The following DPRX variants were observed in gnomAD, a reference collection of about 807,000 sequenced individuals.
DPRX encodes the protein divergent-paired related homeobox, also known as divergent paired-related homeobox.
DPRX carries 11 observed loss-of-function variants against 8.4 expected under a neutral mutation model. That is an observed-to-expected ratio of 1.31 (90% CI 0.82 to 2.17). The LOEUF (loss-of-function observed/expected upper bound fraction) is 2.17. Among genes scored for constraint, DPRX ranks in the 30% most tolerant of loss-of-function variants. The pLI, the probability that DPRX is intolerant of heterozygous loss-of-function variation, is 0.00. For synonymous variants in DPRX, 72 were observed against 87.0 expected (o/e 0.83, Z 0.96); for missense variants, 211 against 236.7 (o/e 0.89, Z 0.71).
intron 1 of DPRX, among the ~76,000 whole-genome samples, chr19:53,632,367 T>C (rs2091096054): frequency 6.6e-6 from 1 of 152,066 alleles, no homozygotes; most frequent in South Asian, 2.1e-4. Context: ...GTGGCACGAT[T>C]TCGGCTCACT....
At chr19:53,605,150 A>C in the DPRX span, among the ~76,000 whole-genome samples, 1 of 152,100 alleles carries the variant, frequency 6.6e-6, no homozygotes, top group Non-Finnish European at 1.5e-5. Flanking sequence ...GCCTCTACAA[A>C]ATTTGAATAT....
chr19:53,614,665 C>T, the DPRX span, among the ~76,000 whole-genome samples: 3 of 152,064 alleles, frequency 2.0e-5, no homozygotes, highest in African/African-American at 7.2e-5. Context: ...ATATTTTCTT[C>T]ATTGTAAAAA....
chr19:53,616,938 C>A, the DPRX span: 1 of 1,305,610 alleles, frequency 7.7e-7, no homozygotes, highest in Non-Finnish European at 1.1e-6. Context: ...TCCTCATCAC[C>A]AGAGGAATCG....
chr19:53,603,900 C>T, the DPRX span, among the ~76,000 whole-genome samples: 1 of 151,856 alleles, frequency 6.6e-6, no homozygotes, highest in African/African-American at 2.4e-5. Flanking sequence ...AGACCACCAC[C>T]ACGCCCAGCT....
intron 2 of DPRX, 138 bp from the exon 3 acceptor site, chr19:53,636,458 A>G: frequency 1.4e-6 from 1 of 711,408 alleles, no homozygotes; most frequent in Non-Finnish European, 1.9e-6. Context: ...AAAAGTTAAA[A>G]ACTTAAAGGT....
the DPRX span, among the ~76,000 whole-genome samples, chr19:53,615,814 G>T: frequency 6.6e-6 from 1 of 151,750 alleles, no homozygotes; most frequent in Admixed American, 6.6e-5. Context: ...TTTAAGAGGT[G>T]TTTCCTGGCT....
At chr19:53,626,388 C>G in the DPRX span, among the ~76,000 whole-genome samples, 1 of 152,102 alleles carries the variant, frequency 6.6e-6, no homozygotes, top group African/African-American at 2.4e-5. Context: ...CGTGAGACCC[C>G]CATCTCTACA....
At chr19:53,636,930 C>A in exon 3 of DPRX, 1 of 1,613,390 alleles carries the variant, frequency 6.2e-7, no homozygotes, top group Non-Finnish European at 8.5e-7. Flanking sequence ...CAAGTTTGCG[C>A]TCCAAGCTTC....
the DPRX span, chr19:53,602,268 GT>G: frequency 0.042 from 1,718 of 41,326 alleles, 19 homozygotes; most frequent in African/African-American, 0.14. Context: ...ATGGGTATGG[GT>G]GTGTGTGTGT....
At chr19:53,631,103 TC>T (rs957907295), upstream of DPRX, among the ~76,000 whole-genome samples, 8 of 151,020 alleles carry the variant, frequency 5.3e-5, no homozygotes, top group African/African-American at 1.9e-4. Context: ...TGCCTCAGCC[TC>T]CCAAAGTGCT....
the DPRX span, among the ~76,000 whole-genome samples, chr19:53,610,468 A>C: frequency 0.019 from 2,912 of 152,338 alleles, 55 homozygotes; most frequent in South Asian, 0.053. Flanking sequence ...TTATGTATCA[A>C]ATAAGAAAAA....
chr19:53,627,752 TA>T (rs1482853023), upstream of DPRX, among the ~76,000 whole-genome samples: 1 of 147,656 alleles, frequency 6.8e-6, no homozygotes, highest in African/African-American at 2.5e-5. Flanking sequence ...ATGTTTTTCT[TA>T]ACACAAAAAG....
the DPRX span, chr19:53,616,680 A>G: frequency 0.73 from 564,640 of 772,362 alleles, 207,220 homozygotes; most frequent in African/African-American, 0.8. Flanking sequence ...CTTGAACCTC[A>G]TAGGCAGAGG....
intron 1 of DPRX, among the ~76,000 whole-genome samples, chr19:53,632,439 G>T (rs10425539): frequency 0.9 from 137,031 of 151,894 alleles, 61,855 homozygotes; most frequent in East Asian, 0.96. Context: ...TAGCTGGGAT[G>T]ACAGGCACAC....
At chr19:53,608,976 G>GAAAAA in the DPRX span, among the ~76,000 whole-genome samples, 8 of 80,680 alleles carry the variant, frequency 9.9e-5, 1 homozygote, top group African/African-American at 3.4e-4. Flanking sequence ...AAAAAAAAAG[G>GAAAAA]AAAGAAAAGA....
chr19:53,601,715 C>T, the DPRX span, among the ~76,000 whole-genome samples: 1 of 152,018 alleles, frequency 6.6e-6, no homozygotes, highest in South Asian at 2.1e-4. Flanking sequence ...CTCCTCGCCT[C>T]AAGTGATCCA....
the DPRX span, among the ~76,000 whole-genome samples, chr19:53,626,562 A>G: frequency 6.6e-6 from 1 of 152,176 alleles, no homozygotes; most frequent in African/African-American, 2.4e-5. Context: ...TCCAAAAAGA[A>G]AAAAAGACTA....
the DPRX span, among the ~76,000 whole-genome samples, chr19:53,608,909 C>A: frequency 1.5e-5 from 2 of 134,432 alleles, no homozygotes; most frequent in African/African-American, 5.7e-5. Context: ...GAGCCAAGAT[C>A]GCGCCACTGC....
At chr19:53,621,828 G>A in the DPRX span, among the ~76,000 whole-genome samples, 2 of 152,176 alleles carry the variant, frequency 1.3e-5, no homozygotes, top group South Asian at 4.1e-4. Context: ...AATAGTTTCT[G>A]CACATTCTTA....
Sources: gnomAD v4.1 joint callset for allele counts (sites outside exome capture counted in the v4.1 genomes callset) on GRCh38, gnomAD v4.1.1 for gene constraint, MANE v1.5 for transcripts, NCBI Gene and HGNC (gene_info 2026-07-23, HGNC 2026-07-21) for gene names.